CAPN14: variants seen among roughly 807,000 people sequenced by gnomAD.
CAPN14 encodes calpain-14.
CAPN14 carries 94 observed loss-of-function variants against 101.3 expected under a neutral mutation model. That is an observed-to-expected ratio of 0.93 (90% confidence interval 0.79 to 1.10). CAPN14 has a LOEUF of 1.10. CAPN14 is among the 50% of genes least tolerant of loss of function. The probability of loss-of-function intolerance (pLI) is 0.00; values close to 1 mark genes in which losing one functional copy is unlikely to be tolerated. For synonymous variants in CAPN14, 338 were observed against 317.9 expected (o/e 1.06, Z -0.67); for missense variants, 837 against 828.4 (o/e 1.01, Z -0.13).
At chr2:31,217,772 G>A (rs146936408), upstream of CAPN14, among the ~76,000 whole-genome samples, 38 of 152,268 alleles carry the variant, frequency 2.5e-4, no homozygotes, top group East Asian at 7.0e-3. Context: ...CAACCCTGGG[G>A]AGGGTACTTT....
At position 31,186,480 on chromosome 2, in the gene CAPN14, TG is replaced by T; in HGVS notation, c.1592del (p.Pro531GlnfsTer12). On this transcript the variant is annotated frameshift_variant, in exon 16 of 22. Coordinates refer to ENST00000403897, the MANE Select transcript of CAPN14 (RefSeq NM_001145122.2). LOFTEE classifies it high-confidence loss of function. ...EFFTKFFEKH[P>X]EINAVQLQNL... is the part of the protein sequence containing the mutation. ...TCTGAAGTTGAACTGCATTAATCTC[TG>T]GATGCTAAATAGAAAGCAGATTGGC... 1 of 1,547,370 alleles carries T rather than the reference TG, an allele frequency of 6.5e-7. No individual in the cohort carries two copies. Among genetic ancestry groups the T allele is most frequent in the South Asian group, 1.2e-5 (1 of 83,252 alleles).
chr2:31,216,519 C>G (rs1217082971), intron 1 of CAPN14, among the ~76,000 whole-genome samples: 6 of 152,160 alleles, frequency 3.9e-5, no homozygotes, highest in Admixed American at 3.9e-4. Flanking sequence ...GGCTCACACT[C>G]TAGAAAGGGC....
At chr2:31,228,776 T>C (rs1683100937) in intron 1 of CAPN14, among the ~76,000 whole-genome samples, 1 of 152,182 alleles carries the variant, frequency 6.6e-6, no homozygotes, top group Non-Finnish European at 1.5e-5. Flanking sequence ...AAAAATGCTA[T>C]TGCCATCTTT....
chr2:31,195,164 G>A (rs1184222997), intron 8 of CAPN14, among the ~76,000 whole-genome samples: 2 of 151,994 alleles, frequency 1.3e-5, no homozygotes, highest in African/African-American at 4.8e-5. Flanking sequence ...GAAAGGAGGG[G>A]GCTACATGAA....
intron 1 of CAPN14, among the ~76,000 whole-genome samples, chr2:31,231,649 C>G (rs763026913): frequency 6.6e-6 from 1 of 152,172 alleles, no homozygotes; most frequent in Non-Finnish European, 1.5e-5. Context: ...ATATTCGGAA[C>G]AGACATTCAG....
At chr2:31,225,570 G>C (rs1031383985) in intron 2 of CAPN14, among the ~76,000 whole-genome samples, 5 of 151,976 alleles carry the variant, frequency 3.3e-5, no homozygotes, top group Non-Finnish European at 7.4e-5. Context: ...GATGATCACA[G>C]AAACAGAATA....
Position 31,199,469 on chromosome 2 carries a change from C to A in CAPN14, c.789+1G>T, listed in dbSNP as rs1158832691. The A allele has an allele frequency of 1.3e-6, 2 of 1,551,502 alleles. No individual in the cohort carries two copies. The highest frequency in any genetic ancestry group is 1.7e-6 in the Non-Finnish European group (2 of 1,146,870). ...AAACCGAAGGGCCAACCTCAACCCA[C>A]CTTCCTGATTCCTGTGAGAGTATAG... On this transcript the variant is annotated splice_donor_variant, in intron 7 of 21. Coordinates refer to ENST00000403897, the MANE Select transcript of CAPN14 (RefSeq NM_001145122.2). LOFTEE classifies it high-confidence loss of function.
At chr2:31,215,340 T>C (rs766703291) in intron 1 of CAPN14, among the ~76,000 whole-genome samples, 14 of 152,044 alleles carry the variant, frequency 9.2e-5, no homozygotes, top group Non-Finnish European at 1.9e-4. Context: ...GCGGTCAGAC[T>C]GAGGTAGCTC....
intron 13 of CAPN14, among the ~76,000 whole-genome samples, chr2:31,188,673 A>T (rs530495432): frequency 1.3e-5 from 2 of 152,346 alleles, no homozygotes; most frequent in Admixed American, 1.3e-4. Flanking sequence ...AAAAACAAAC[A>T]AACAAAACAA....
At chr2:31,190,102 G>A (rs188100738) in intron 12 of CAPN14, among the ~76,000 whole-genome samples, 4 of 140,394 alleles carry the variant, frequency 2.8e-5, no homozygotes, top group East Asian at 2.0e-4. Context: ...CTCTGGTTCC[G>A]ACATTTCTTG....
chr2:31,190,137 T>TTCTCTCTC (rs3031867), intron 12 of CAPN14, among the ~76,000 whole-genome samples: 21,736 of 142,352 alleles, frequency 0.15, 2,124 homozygotes, highest in African/African-American at 0.25. Context: ...CTGATTCATA[T>TTCTCTCTC]TCTCTCTCTC....
chr2:31,223,220 C>T (rs1682911809), intron 2 of CAPN14, among the ~76,000 whole-genome samples: 1 of 152,224 alleles, frequency 6.6e-6, no homozygotes, highest in East Asian at 1.9e-4. Context: ...TATCAGCATG[C>T]AGATGCAGAA....
chr2:31,198,213 C>T (rs1019441069), intron 7 of CAPN14, among the ~76,000 whole-genome samples: 6 of 152,194 alleles, frequency 3.9e-5, no homozygotes, highest in Non-Finnish European at 7.3e-5. Flanking sequence ...TGAAAGAATG[C>T]AACCATTTGT....
At chr2:31,231,984 C>A (rs1683207462) in intron 1 of CAPN14, among the ~76,000 whole-genome samples, 1 of 152,128 alleles carries the variant, frequency 6.6e-6, no homozygotes, top group South Asian at 2.1e-4. Flanking sequence ...TGAGTGAATT[C>A]TCAACAAGAG....
At chr2:31,232,390 C>A (rs1683221783) in intron 1 of CAPN14, among the ~76,000 whole-genome samples, 1 of 152,316 alleles carries the variant, frequency 6.6e-6, no homozygotes, top group Admixed American at 6.5e-5. Flanking sequence ...TTGCAGCTGT[C>A]TCCTAAGTTT....
chr2:31,214,988 C>T (rs1209593894), intron 1 of CAPN14, among the ~76,000 whole-genome samples: 4 of 149,666 alleles, frequency 2.7e-5, no homozygotes, highest in Middle Eastern at 6.4e-3. Context: ...ATCATCTCTT[C>T]TCTCCGGCAC....
At chr2:31,194,559 T>C in intron 8 of CAPN14, 76 bp from the exon 9 acceptor site, 1 of 902,612 alleles carries the variant, frequency 1.1e-6, no homozygotes, top group Admixed American at 2.2e-5. Flanking sequence ...TATAGTGTCA[T>C]TATTTATTAT....
intron 14 of CAPN14, 98 bp from the exon 15 acceptor site, chr2:31,187,912 C>G: frequency 1.0e-6 from 1 of 956,132 alleles, no homozygotes; most frequent in South Asian, 1.6e-5. Context: ...TTTCTGAAAT[C>G]CATGAGCTTG....
At chr2:31,223,856 T>G (rs940223486) in intron 2 of CAPN14, among the ~76,000 whole-genome samples, 3 of 152,292 alleles carry the variant, frequency 2.0e-5, no homozygotes, top group African/African-American at 7.2e-5. Flanking sequence ...GGGAGAATAA[T>G]GACATTTTGA....
Sources: gnomAD v4.1 joint callset for allele counts (sites outside exome capture counted in the v4.1 genomes callset) on GRCh38, gnomAD v4.1.1 for gene constraint, MANE v1.5 for transcripts, NCBI Gene and HGNC (gene_info 2026-07-23, HGNC 2026-07-21) for gene names.